Variants in LITAF observed in about 807,000 individuals in gnomAD.
LITAF encodes the protein lipopolysaccharide induced TNF factor, also known as lipopolysaccharide-induced tumor necrosis factor-alpha factor.
A neutral mutation model predicts 14.5 loss-of-function variants in LITAF; 9 were observed. The ratio of observed to expected loss-of-function variants is 0.62; its 90% CI spans 0.37 to 1.08. LITAF has a LOEUF of 1.08. LITAF is among the 50% of genes least tolerant of loss of function. LITAF has a pLI of 0.01. For synonymous variants in LITAF, 98 were observed against 88.2 expected (o/e 1.11, Z -0.62); for missense variants, 206 against 213.4 (o/e 0.97, Z 0.22).
At chr16:11,608,313 G>A (rs977106328) in intron 3 of LITAF, among the ~76,000 whole-genome samples, 1 of 152,216 alleles carries the variant, frequency 6.6e-6, no homozygotes, top group African/African-American at 2.4e-5. Context: ...GTGAGGAAAG[G>A]GACGTAGCTG....
upstream of LITAF, among the ~76,000 whole-genome samples, chr16:11,603,425 C>T (rs1258490770): frequency 6.6e-6 from 1 of 152,204 alleles, no homozygotes; most frequent in Non-Finnish European, 1.5e-5. Context: ...CAAGGGCCTC[C>T]CTGGCTGTCT....
intron 3 of LITAF, among the ~76,000 whole-genome samples, chr16:11,619,201 C>T (rs1326590756): frequency 6.6e-6 from 1 of 151,808 alleles, no homozygotes; most frequent in Non-Finnish European, 1.5e-5. Flanking sequence ...ATCCCAGCTA[C>T]TTGGGATGCT....
At chr16:11,577,664 ACAAATTC>A (rs2064662688) in intron 1 of LITAF, among the ~76,000 whole-genome samples, 1 of 152,066 alleles carries the variant, frequency 6.6e-6, no homozygotes. Flanking sequence ...TTCCTCACTG[ACAAATTC>A]CAAATAGTAT....
chr16:11,553,417 A>G lies in LITAF; in HGVS notation c.377+116T>C, dbSNP rs905563547. ...CAGAACCAGATTCCATCTCAAAAAA[A>G]AACAACACAAATGTCTGGCCCTGAA... is the stretch of plus-strand genomic sequence containing the variant. On this transcript the variant is annotated intron_variant, in intron 3 of 3. Transcript: ENST00000622633. The surrounding 1 kb of genome is among the most constrained non-coding windows in gnomAD (Gnocchi z 7.7). 5.9e-5 allele frequency: 71 copies of G among 1,201,394 alleles called. No homozygotes were observed. The highest frequency in any genetic ancestry group is 7.4e-5 in the Non-Finnish European group (62 of 843,310). The allele number at this position is 1,201,394 out of a possible 1,614,324, so 74.4% of individuals were successfully genotyped here.
intron 1 of LITAF, among the ~76,000 whole-genome samples, chr16:11,561,760 G>A (rs2064370168): frequency 6.6e-6 from 1 of 151,782 alleles, no homozygotes; most frequent in Admixed American, 6.6e-5. Flanking sequence ...TTATCTCCTG[G>A]GATAAGAGGC....
intron 3 of LITAF, among the ~76,000 whole-genome samples, chr16:11,628,893 C>G (rs1242722707): frequency 1.3e-5 from 2 of 152,206 alleles, no homozygotes; most frequent in East Asian, 3.8e-4. Flanking sequence ...CCAGGCTGGT[C>G]TCGAACTCCT....
At chr16:11,583,747 A>G (rs756543880) in intron 1 of LITAF, among the ~76,000 whole-genome samples, 12 of 152,356 alleles carry the variant, frequency 7.9e-5, no homozygotes, top group Non-Finnish European at 1.3e-4. Flanking sequence ...CTAAGGCTCC[A>G]TGAGCTAAAT....
At chr16:11,569,645 T>A (rs1306999279) in intron 1 of LITAF, among the ~76,000 whole-genome samples, 1 of 152,162 alleles carries the variant, frequency 6.6e-6, no homozygotes, top group Non-Finnish European at 1.5e-5. Context: ...CCTGGTCAAC[T>A]GAACACCCAA....
chr16:11,618,989 AAAAC>A (rs2065034011), intron 3 of LITAF, among the ~76,000 whole-genome samples: 1 of 132,954 alleles, frequency 7.5e-6, no homozygotes, highest in African/African-American at 3.4e-5. Flanking sequence ...TCTTAAAAAA[AAAAC>A]AAAACAAACA....
At chr16:11,625,717 C>T (rs866394025) in intron 3 of LITAF, among the ~76,000 whole-genome samples, 12 of 152,242 alleles carry the variant, frequency 7.9e-5, no homozygotes, top group Middle Eastern at 3.4e-3. Context: ...ATCAACCTTC[C>T]CTTTTAATCT....
At chr16:11,577,932 T>C (rs1404145687) in intron 1 of LITAF, among the ~76,000 whole-genome samples, 1 of 151,508 alleles carries the variant, frequency 6.6e-6, no homozygotes, top group East Asian at 1.9e-4. Flanking sequence ...CTCATTCCAC[T>C]ATTTCCAGGC....
rs574398820 is a variant in LITAF, at chr16:11,605,496, G to T, written c.85+28037C>A. ...GTGTCTCTCTTTACAGCCCAGAGCC[G>T]CACAGGAGGGAGACTCCTAGGCAGG... On this transcript the variant is annotated intron_variant, in intron 3 of 3. Coordinates refer to the LITAF transcript ENST00000574848. The surrounding 1 kb of genome is among the most constrained non-coding windows in gnomAD (Gnocchi z 4.7). 6.6e-6 allele frequency among the ~76,000 whole-genome samples: 1 copy of T among 152,200 alleles called. No homozygotes were observed. The highest frequency in any genetic ancestry group is 1.9e-4 in the East Asian group (1 of 5,182).
chr16:11,548,588 CTTTTT>C lies in LITAF; in HGVS notation c.*1044_*1048del. ...TAGATGAAATTATCCATTTCTTTTT[CTTTTT>C]TTTTTTTTTAAGTGAGACTACATTG... On this transcript the variant is annotated 3_prime_UTR_variant, in exon 4 of 4. Coordinates refer to ENST00000622633, the MANE Select transcript of LITAF (RefSeq NM_001136472.2). 1 of 421,634 alleles carries C rather than the reference CTTTTT, an allele frequency of 2.4e-6. No homozygotes were observed. Among genetic ancestry groups the C allele is most frequent in the Non-Finnish European group, 4.6e-6 (1 of 215,572 alleles). The allele number at this position is 421,634 out of a possible 1,614,324, so 26.1% of individuals were successfully genotyped here. A position where few individuals can be genotyped will look rare whatever the true frequency, so the allele number is the denominator to read the frequency against.
In LITAF at chr16:11,569,139, G is replaced by A. The variant is rs147616909; in HGVS notation, c.-5-12404C>T. 3.9e-4 allele frequency among the ~76,000 whole-genome samples: 59 copies of A among 152,296 alleles called. No individual in the cohort carries two copies. In the East Asian group the frequency reaches 6.6e-3, roughly 17 times the overall value. The stretch of plus-strand genomic sequence containing the variant: ...GCCCTTGAGCAGCTGAACAGGACGC[G>A]GGGGCTTCCGAGCAGAATCCCATCA... On this transcript the variant is annotated intron_variant, in intron 1 of 3. Transcript: ENST00000622633.
chr16:11,614,881 C>T (rs138138899), intron 3 of LITAF, among the ~76,000 whole-genome samples: 18 of 152,342 alleles, frequency 1.2e-4, no homozygotes, highest in African/African-American at 2.2e-4. Context: ...CTGTTCTAGA[C>T]GGCAGGCAGT....
At chr16:11,635,218 A>C (rs2065133686) in intron 2 of LITAF, among the ~76,000 whole-genome samples, 1 of 152,230 alleles carries the variant, frequency 6.6e-6, no homozygotes. Context: ...GGTTATACGG[A>C]TACACAAATG....
chr16:11,614,922 T>C (rs1450022123), intron 3 of LITAF, among the ~76,000 whole-genome samples: 1 of 152,212 alleles, frequency 6.6e-6, no homozygotes, highest in Non-Finnish European at 1.5e-5. Context: ...TCAGTGATTG[T>C]CATGACAGCG....
intron 3 of LITAF, among the ~76,000 whole-genome samples, chr16:11,631,097 G>T (rs947187020): frequency 6.6e-6 from 1 of 152,202 alleles, no homozygotes; most frequent in Non-Finnish European, 1.5e-5. Flanking sequence ...GTGGACTTGG[G>T]ATTTGGACTC....
chr16:11,554,582 C>T (rs1254446165), intron 2 of LITAF, among the ~76,000 whole-genome samples: 1 of 151,950 alleles, frequency 6.6e-6, no homozygotes, highest in Non-Finnish European at 1.5e-5. Flanking sequence ...CACCAGAGGT[C>T]AGGAGTTCAA....
Sources: gnomAD v4.1 joint callset for allele counts (sites outside exome capture counted in the v4.1 genomes callset) on GRCh38, gnomAD v4.1.1 for gene constraint, Gnocchi (gnomAD v3.1) non-coding constraint, MANE v1.5 for transcripts, NCBI Gene and HGNC (gene_info 2026-07-23, HGNC 2026-07-21) for gene names.